Variants in SND1 observed in about 807,000 individuals in gnomAD.
SND1 encodes the protein staphylococcal nuclease domain-containing protein 1.
Under a neutral mutation model 121.7 loss-of-function variants are expected in SND1, and 38 were observed. The ratio of observed to expected loss-of-function variants is 0.31; its 90% confidence interval spans 0.24 to 0.41. The LOEUF (loss-of-function observed/expected upper bound fraction) is 0.41, where lower values mean the gene tolerates loss of function less well. SND1 is among the 10% of genes least tolerant of loss of function. SND1 has a pLI of 1.00. For missense variants in SND1, 868 were observed against 1,184.6 expected (o/e 0.73, Z 3.92); for synonymous variants, 401 against 447.4 (o/e 0.90, Z 1.31).
At chr7:127,918,368 CT>C (rs529212392) in intron 14 of SND1, among the ~76,000 whole-genome samples, 1 of 152,050 alleles carries the variant, frequency 6.6e-6, no homozygotes, top group Admixed American at 6.5e-5. Flanking sequence ...CCCCAGATGA[CT>C]TTTTTTCTTT....
intron 10 of SND1, among the ~76,000 whole-genome samples, chr7:127,725,774 GAAT>G (rs1796571175): frequency 6.6e-6 from 1 of 152,122 alleles, no homozygotes; most frequent in African/African-American, 2.4e-5. Flanking sequence ...AGAGGGTGCA[GAAT>G]AAGGAACTAG....
At chr7:127,977,758 CAG>C (rs1187961918) in intron 15 of SND1, among the ~76,000 whole-genome samples, 6 of 152,040 alleles carry the variant, frequency 3.9e-5, no homozygotes, top group Non-Finnish European at 7.4e-5. Flanking sequence ...GCCTGACAAA[CAG>C]AGGTATGCTG....
rs1376812117 is a variant in SND1 at position 128,069,033 on chromosome 7, G to A, written c.1780-5469G>A. On this transcript the variant is annotated intron_variant, in intron 16 of 23. Coordinates refer to ENST00000354725, the MANE Select transcript of SND1 (RefSeq NM_014390.4). ...GCATGGCTGGCTGGCAGCACCCACC[G>A]CTTTGGCCCTGTGATGGGGAAAGAC... Among the ~76,000 whole-genome samples the A allele has an allele frequency of 6.6e-5, 10 of 152,198 alleles. 1 individual carries two copies. Among genetic ancestry groups the A allele is most frequent in the South Asian group, 4.1e-4 (2 of 4,834 alleles).
At chr7:127,736,608 C>T (rs896157693) in intron 10 of SND1, among the ~76,000 whole-genome samples, 2 of 152,186 alleles carry the variant, frequency 1.3e-5, no homozygotes, top group Non-Finnish European at 2.9e-5. Flanking sequence ...ACAATGTATG[C>T]GGTTTGTACC....
chr7:127,857,824 A>T (rs1799309451), intron 12 of SND1: 2 of 907,410 alleles, frequency 2.2e-6, no homozygotes, highest in Middle Eastern at 3.2e-4. Context: ...AGAAGGGCCC[A>T]CCAAACTAGG....
intron 15 of SND1, among the ~76,000 whole-genome samples, chr7:127,937,894 A>G (rs1650647212): frequency 6.6e-6 from 1 of 152,256 alleles, no homozygotes; most frequent in Admixed American, 6.5e-5. Context: ...CTGCTATCAC[A>G]GAGGTGCTAA....
At chr7:127,662,432 C>T (rs1367344803) in intron 1 of SND1, among the ~76,000 whole-genome samples, 2 of 152,112 alleles carry the variant, frequency 1.3e-5, no homozygotes, top group Non-Finnish European at 2.9e-5. Flanking sequence ...TTTAGCTTTT[C>T]ATAATTCTAA....
At chr7:127,669,870 A>C (rs1795483843) in intron 1 of SND1, among the ~76,000 whole-genome samples, 1 of 152,234 alleles carries the variant, frequency 6.6e-6, no homozygotes, top group Admixed American at 6.5e-5. Context: ...AAAGGAAATA[A>C]AATTCAGCAC....
intron 2 of SND1, among the ~76,000 whole-genome samples, chr7:127,693,895 G>GA (rs1271740756): frequency 6.6e-6 from 1 of 152,182 alleles, no homozygotes; most frequent in Non-Finnish European, 1.5e-5. Flanking sequence ...CTTCAGAGGA[G>GA]AATCTCCCTT....
chr7:127,732,618 T>C (rs1449023743), intron 10 of SND1, among the ~76,000 whole-genome samples: 3 of 152,262 alleles, frequency 2.0e-5, no homozygotes. Context: ...TTTTAAAACA[T>C]GGACAACAAC....
rs895290382 is a variant in SND1, at chr7:127,928,077, A to G, written c.1528-1111A>G. 2.6e-5 allele frequency: 4 copies of G among 152,218 alleles called. No individual in the cohort carries two copies. In the South Asian group the frequency reaches 8.3e-4, roughly 31 times the overall value. 9.4% of individuals were successfully genotyped at this position (152,218 alleles called of 1,614,324 possible). A position where few individuals can be genotyped will look rare whatever the true frequency, so the allele number is the denominator to read the frequency against. ...TTAATTAGCTTGAGAGACTGAAAGG[A>G]TTTGAAGGCCCTTCGCATCTATGTG... is the stretch of plus-strand genomic sequence containing the variant. On this transcript the variant is annotated intron_variant, in intron 14 of 23. Coordinates refer to ENST00000354725, the MANE Select transcript of SND1 (RefSeq NM_014390.4).
intron 13 of SND1, among the ~76,000 whole-genome samples, chr7:127,896,705 A>C (rs577390486): frequency 4.6e-5 from 7 of 152,234 alleles, no homozygotes; most frequent in Non-Finnish European, 1.0e-4. Context: ...GGATTTCTAT[A>C]GTATGTCCCA....
chr7:128,029,776 G>A lies in SND1; in HGVS notation c.1779+38720G>A. The A allele has an allele frequency of 6.2e-7, 1 of 1,613,368 alleles. No homozygotes were observed. Among genetic ancestry groups the A allele is most frequent in the Admixed American group, 1.7e-5 (1 of 59,982 alleles). On this transcript the variant is annotated intron_variant, in intron 16 of 23. Transcript: ENST00000354725. The surrounding 1 kb of genome is among the most constrained non-coding windows in gnomAD (Gnocchi z 4.2). The stretch of plus-strand genomic sequence containing the variant: ...AGATGCAACTCCACCAGGTACCTCA[G>A]CGGGGTAAAGAGGTCATGGGGCAAA...
chr7:128,090,067 A>C (rs1249460419), intron 22 of SND1, among the ~76,000 whole-genome samples: 1 of 151,812 alleles, frequency 6.6e-6, no homozygotes, highest in Non-Finnish European at 1.5e-5. Context: ...AACTCCTAAC[A>C]CCCAGTGCCA....
chr7:127,748,036 C>G (rs1052667985), intron 10 of SND1, among the ~76,000 whole-genome samples: 11 of 152,134 alleles, frequency 7.2e-5, no homozygotes, highest in Non-Finnish European at 1.6e-4. Flanking sequence ...TTCTGTCTTT[C>G]TTTTATGTTT....
chr7:127,985,295 T>C (rs56258700), intron 15 of SND1, among the ~76,000 whole-genome samples: 2,480 of 152,332 alleles, frequency 0.016, 90 homozygotes, highest in African/African-American at 0.057. Flanking sequence ...CATGCACTTC[T>C]AGCCCGGGCT....
rs543587075 is a variant in SND1, at chr7:128,015,859, A to C, written c.1779+24803A>C. 8.5e-5 allele frequency among the ~76,000 whole-genome samples: 13 copies of C among 152,312 alleles called. No individual in the cohort carries two copies. Among genetic ancestry groups the C allele is most frequent in the African/African-American group, 3.1e-4 (13 of 41,582 alleles). Reference sequence around the variant, plus strand: ...AGACATAGCCATCCACTCTGGCAGCAGCCTATCGAAGGGAGAGAATCCTGG... The same window carrying C: ...AGACATAGCCATCCACTCTGGCAGCCGCCTATCGAAGGGAGAGAATCCTGG... On this transcript the variant is annotated intron_variant, in intron 16 of 23. Coordinates refer to ENST00000354725, the MANE Select transcript of SND1 (RefSeq NM_014390.4). The surrounding 1 kb of genome is among the most constrained non-coding windows in gnomAD (Gnocchi z 4.5).
chr7:127,927,160 C>T (rs2116814756), intron 14 of SND1, among the ~76,000 whole-genome samples: 1 of 152,252 alleles, frequency 6.6e-6, no homozygotes, highest in East Asian at 1.9e-4. Context: ...GTGCTGCAAC[C>T]TCCTTGTTAG....
intron 17 of SND1, among the ~76,000 whole-genome samples, chr7:128,077,607 C>G (rs1252289421): frequency 6.6e-6 from 1 of 152,252 alleles, no homozygotes; most frequent in Non-Finnish European, 1.5e-5. Flanking sequence ...GAGCTCCACC[C>G]TGGCCTTGGC....
Sources: allele counts gnomAD v4.1 joint callset (sites outside exome capture counted in the v4.1 genomes callset), GRCh38; gene constraint gnomAD v4.1.1; non-coding constraint Gnocchi (gnomAD v3.1); transcripts MANE v1.5; gene names NCBI Gene and HGNC (gene_info 2026-07-23, HGNC 2026-07-21).